The following NBPF14 variants were observed in gnomAD, a reference collection of about 807,000 sequenced individuals.
The protein encoded by NBPF14 is NBPF family member NBPF14.
In NBPF14, 104 loss-of-function variants were observed where a neutral mutation model predicts 91.2. The observed-to-expected ratio is 1.14, with a 90% CI of 0.97 to 1.34. The LOEUF (loss-of-function observed/expected upper bound fraction) is 1.34. NBPF14 is among the 40% of genes most tolerant of loss of function. The pLI, the probability that NBPF14 is intolerant of heterozygous loss-of-function variation, is 0.00. For synonymous variants in NBPF14, 294 were observed against 303.8 expected, an observed-to-expected ratio of 0.97 and a Z score of 0.34; for missense variants, 908 against 783.0, an observed-to-expected ratio of 1.16 and a Z score of -1.91.
intron 40 of NBPF14, 147 bp downstream of exon 40, chr1:148,557,344 G>C (rs1408896047): frequency 2.2e-6 from 1 of 458,164 alleles, no homozygotes; most frequent in Non-Finnish European, 3.6e-6. Flanking sequence ...AATATCTACT[G>C]CAATGAAAAC....
At chr1:148,580,911 G>A (rs1273672563) in intron 12 of NBPF14, among the ~76,000 whole-genome samples, 2 of 105,296 alleles carry the variant, frequency 1.9e-5, no homozygotes, top group African/African-American at 3.9e-5. Context: ...ACAACGTGCA[G>A]GTTAGTTACA....
intron 37 of NBPF14, 118 bp downstream of exon 37, chr1:148,559,675 A>T: frequency 1.5e-6 from 1 of 650,612 alleles, no homozygotes; most frequent in South Asian, 1.7e-5. Flanking sequence ...ACATGTGCCT[A>T]TAGGTCCTCC....
At chr1:148,577,639 AG>A (rs1483858973) in intron 14 of NBPF14, among the ~76,000 whole-genome samples, 4 of 149,386 alleles carry the variant, frequency 2.7e-5, no homozygotes, top group African/African-American at 1.0e-4. Context: ...AGGGAGTCAA[AG>A]GACACTCTGT....
intron 68 of NBPF14, among the ~76,000 whole-genome samples, 177 bp from the exon 69 acceptor site, chr1:148,535,033 T>C (rs1271430173): frequency 6.5e-4 from 95 of 146,150 alleles, no homozygotes; most frequent in Non-Finnish European, 1.3e-3. Context: ...TAGAAAAGAA[T>C]GAAAGAGAAA....
intron 34 of NBPF14, 126 bp from the exon 35 acceptor site, chr1:148,561,705 T>G: frequency 2.8e-6 from 1 of 358,674 alleles, no homozygotes; most frequent in Non-Finnish European, 4.5e-6. Flanking sequence ...ATTAATGAGG[T>G]AACAAATTAT....
At chr1:148,554,844 A>AC (rs1656467660) in intron 43 of NBPF14, among the ~76,000 whole-genome samples, 1 of 148,496 alleles carries the variant, frequency 6.7e-6, no homozygotes, top group Non-Finnish European at 1.5e-5. Context: ...ACATCTTGAC[A>AC]GTAGGATTAG....
chr1:148,577,674 T>G (rs1209444711), intron 14 of NBPF14, among the ~76,000 whole-genome samples: 2 of 147,522 alleles, frequency 1.4e-5, no homozygotes, highest in Non-Finnish European at 3.0e-5. Context: ...GGACACACAG[T>G]GAACAGTGAT....
chr1:148,533,951 T>A (rs1553331902), exon 70 of NBPF14: 3 of 722,814 alleles, frequency 4.2e-6, no homozygotes, highest in South Asian at 2.8e-5. Flanking sequence ...TTTTTTCCCC[T>A]TCCCCTTCTT....
At chr1:148,562,068 A>T (rs1657930751) in intron 34 of NBPF14, among the ~76,000 whole-genome samples, 168 bp downstream of exon 34, 1 of 74,604 alleles carries the variant, frequency 1.3e-5, no homozygotes, top group African/African-American at 1.1e-4. Context: ...GGAGGAAGAA[A>T]TGGAAACCTA....
rs1388394449 is a variant in NBPF14 at position 148,572,754 on chromosome 1, C to G, written c.2586-139G>C. The G allele has an allele frequency of 1.1e-5, 6 of 550,246 alleles. 1 individual carries two copies. The highest frequency in any genetic ancestry group is 1.9e-5 in the Non-Finnish European group (6 of 318,322). The allele number at this position is 550,246 out of a possible 1,614,324, so 34.1% of individuals were successfully genotyped here. A position where few individuals can be genotyped will look rare whatever the true frequency, so the allele number is the denominator to read the frequency against. ...CATTAATGAGGTAACAAATTATTGC[C>G]TTTATGTTGGGATAGAACAGGGCCA... On this transcript the variant is annotated intron_variant, in intron 20 of 70. Transcript: ENST00000619423.
At position 148,587,348 on chromosome 1, in the gene NBPF14, G is replaced by C; in HGVS notation, c.1044C>G (p.Phe348Leu). 21 of 1,583,020 alleles carry C rather than the reference G, an allele frequency of 1.3e-5. 4 individuals are homozygous for C. The highest frequency in any genetic ancestry group is 1.7e-5 in the Non-Finnish European group (20 of 1,160,022). Residue 348 changes from phenylalanine to leucine, a missense_variant, in exon 8 of 71, where the codon TTC becomes TTG. Physicochemically the swap from Phe to Leu is conservative, Grantham distance 22. Transcript: ENST00000619423. ...GCTGCTCCGCAAGCTTCTCCTCCTT[G>C]AACTGTCGCTCATTCCTCAGCATAA... is the stretch of plus-strand genomic sequence containing the variant.
intron 29 of NBPF14, among the ~76,000 whole-genome samples, chr1:148,565,723 C>T (rs1252668055): frequency 0.016 from 124 of 7,634 alleles, no homozygotes; most frequent in African/African-American, 0.052. Flanking sequence ...AAGCAAATAC[C>T]CTCAAATGAT....
In NBPF14 at chr1:148,594,861, C is replaced by A. The variant is rs1663053578; in HGVS notation, c.175+682G>T. Among the ~76,000 whole-genome samples, 2 of 87,296 alleles carry A rather than the reference C, an allele frequency of 2.3e-5. 1 individual carries two copies. Among genetic ancestry groups the A allele is most frequent in the Non-Finnish European group, 3.8e-5 (2 of 52,044 alleles). 57.3% of individuals were successfully genotyped at this position (87,296 alleles called of 152,430 possible). On this transcript the variant is annotated intron_variant, in intron 2 of 70. Transcript: ENST00000619423. Reference sequence around the variant, plus strand: ...TACAGTTGCCCGCCAGGATGCCCATCCACTTTTTGTATTTTTAGTGGAGAT... The same window carrying A: ...TACAGTTGCCCGCCAGGATGCCCATACACTTTTTGTATTTTTAGTGGAGAT...
intron 8 of NBPF14, among the ~76,000 whole-genome samples, chr1:148,587,092 A>G (rs1184870688): frequency 6.7e-6 from 1 of 148,260 alleles, no homozygotes; most frequent in East Asian, 1.9e-4. Context: ...CTTGTTTGAA[A>G]AAGAGAAAAC....
chr1:148,575,958 T>C (rs1659621172), intron 16 of NBPF14, 147 bp from the exon 17 acceptor site: 1 of 543,030 alleles, frequency 1.8e-6, no homozygotes, highest in Non-Finnish European at 3.2e-6. Flanking sequence ...GCCTTTATGT[T>C]GGGATAGACC....
At chr1:148,558,152 A>C in intron 39 of NBPF14, 100 bp downstream of exon 39, 1 of 236,344 alleles carries the variant, frequency 4.2e-6, no homozygotes, top group Non-Finnish European at 7.1e-6. Flanking sequence ...GCCTGCGGCA[A>C]TGACGTCTCT....
rs1661106422 is a variant in NBPF14 at position 148,583,767 on chromosome 1, G to A, written c.1586-575C>T. 3.7e-5 allele frequency among the ~76,000 whole-genome samples: 2 copies of A among 54,280 alleles called. 1 individual carries two copies. The highest frequency in any genetic ancestry group is 5.7e-5 in the Non-Finnish European group (2 of 34,802). The allele number at this position is 54,280 out of a possible 152,430, so 35.6% of individuals were successfully genotyped here. ...ACCTGTGGTCCCAGCAACTCAGGAG[G>A]CTGAGGCAGGAGAATCACTTGAATC... On this transcript the variant is annotated intron_variant, in intron 11 of 70. Coordinates refer to ENST00000619423, the Ensembl canonical transcript of NBPF14.
chr1:148,589,777 G>T (rs1260499257), intron 6 of NBPF14, among the ~76,000 whole-genome samples: 2 of 146,716 alleles, frequency 1.4e-5, no homozygotes, highest in Non-Finnish European at 3.0e-5. Flanking sequence ...CTGTCACGCA[G>T]GCTGCAGTGC....
At chr1:148,587,309 C>G (rs1204379768) in exon 8 of NBPF14, 1 of 1,581,010 alleles carries the variant, frequency 6.3e-7, no homozygotes, top group African/African-American at 1.4e-5. Flanking sequence ...ACCTGAGCTC[C>G]TCAGCTTGCT....
Sources: allele counts gnomAD v4.1 joint callset (sites outside exome capture counted in the v4.1 genomes callset), GRCh38; gene constraint gnomAD v4.1.1; transcripts MANE v1.5; gene names NCBI Gene and HGNC (gene_info 2026-07-23, HGNC 2026-07-21).